The following TENT5C variants were observed in gnomAD, a reference collection of about 807,000 sequenced individuals.
The protein encoded by TENT5C is terminal nucleotidyltransferase 5C.
In TENT5C, 5 loss-of-function variants were observed where a neutral mutation model predicts 22.2. That is an observed-to-expected ratio of 0.22 (90% confidence interval 0.12 to 0.47). The LOEUF is 0.47. TENT5C is among the 20% of genes least tolerant of loss of function. The pLI is 0.99. For synonymous variants in TENT5C, 199 were observed against 195.4 expected (o/e 1.02, Z -0.15); for missense variants, 364 against 500.9 (o/e 0.73, Z 2.61).
Position 117,624,127 on chromosome 1 carries a change from C to A in TENT5C, c.*83C>A. ...AGGGGAGCCTCCTTCTAGATGTAGG[C>A]ATTTGGCTTTTAAAGGGGAACTCAG... is the stretch of plus-strand genomic sequence containing the variant. On this transcript the variant is annotated 3_prime_UTR_variant, in exon 2 of 2. Coordinates refer to ENST00000369448, the MANE Select transcript of TENT5C (RefSeq NM_017709.4). 8.5e-7 allele frequency: 1 copy of A among 1,171,084 alleles called. No homozygotes were observed. Among genetic ancestry groups the A allele is most frequent in the Non-Finnish European group, 1.2e-6 (1 of 843,542 alleles). 72.5% of individuals were successfully genotyped at this position (1,171,084 alleles called of 1,614,324 possible).
chr1:117,621,673 G>C (rs1384404741), intron 1 of TENT5C, among the ~76,000 whole-genome samples: 2 of 152,162 alleles, frequency 1.3e-5, no homozygotes, highest in Admixed American at 1.3e-4. Context: ...TGTGGGTCTA[G>C]CAAGTCAGAA....
chr1:117,619,346 C>T (rs1249042405), intron 1 of TENT5C, among the ~76,000 whole-genome samples: 2 of 152,134 alleles, frequency 1.3e-5, no homozygotes. Context: ...ATCTGCCCCT[C>T]TCTTAAGTAA....
chr1:117,615,506 C>T (rs1178049768), intron 1 of TENT5C, among the ~76,000 whole-genome samples: 1 of 152,198 alleles, frequency 6.6e-6, no homozygotes, highest in African/African-American at 2.4e-5. Context: ...GTTTTACTGC[C>T]TATTTGTGAT....
rs1173943182 is a variant in TENT5C, at chr1:117,625,103, T to A, written c.*1059T>A. ...TAGCTATTTTTTGTTTTTGTTCTTTTCGTTTTTTTTTTTTCCAAAAATAGT... is the reference window on the plus strand; with the variant it reads ...TAGCTATTTTTTGTTTTTGTTCTTTACGTTTTTTTTTTTTCCAAAAATAGT... On this transcript the variant is annotated 3_prime_UTR_variant, in exon 2 of 2. Transcript: ENST00000369448. 2 of 243,710 alleles carry A rather than the reference T, an allele frequency of 8.2e-6. No individual in the cohort carries two copies. The highest frequency in any genetic ancestry group is 2.4e-5 in the African/African-American group (1 of 41,694). 15.1% of individuals were successfully genotyped at this position (243,710 alleles called of 1,614,324 possible).
At chr1:117,615,741 A>G (rs1344887039) in intron 1 of TENT5C, among the ~76,000 whole-genome samples, 1 of 152,226 alleles carries the variant, frequency 6.6e-6, no homozygotes, top group African/African-American at 2.4e-5. Context: ...CTATGGCAAT[A>G]TATTGTCTTC....
chr1:117,616,874 A>G (rs1422805354), intron 1 of TENT5C, among the ~76,000 whole-genome samples: 2 of 152,166 alleles, frequency 1.3e-5, no homozygotes, highest in Non-Finnish European at 2.9e-5. Flanking sequence ...TTTCTAGACA[A>G]TCACTTCCAT....
At chr1:117,606,483 G>C (rs965604111) in intron 1 of TENT5C, among the ~76,000 whole-genome samples, 1 of 152,200 alleles carries the variant, frequency 6.6e-6, no homozygotes, top group African/African-American at 2.4e-5. Context: ...TGCAGGCTGC[G>C]CGCTGGCCAG....
chr1:117,617,188 A>G (rs1653800928), intron 1 of TENT5C, among the ~76,000 whole-genome samples: 1 of 151,272 alleles, frequency 6.6e-6, no homozygotes. Context: ...GCTATGAAGC[A>G]GGACTAGAAA....
rs57603364 is a variant in TENT5C at position 117,626,182 on chromosome 1, T to TC, written c.*2139dup. ...TTGCCTAACAGAAATCAGTATTTCT[T>TC]CTACTTAGAAGGCTTGGGGCCCAGG... On this transcript the variant is annotated 3_prime_UTR_variant, in exon 2 of 2. Coordinates refer to ENST00000369448, the MANE Select transcript of TENT5C (RefSeq NM_017709.4). 74,797 of 247,628 alleles carry TC rather than the reference T, an allele frequency of 0.3. 11,832 individuals are homozygous for TC. The highest frequency in any genetic ancestry group is 0.34 in the African/African-American group (15,353 of 45,332). The allele number at this position is 247,628 out of a possible 1,614,324, so 15.3% of individuals were successfully genotyped here.
At chr1:117,609,263 G>A (rs1653612649) in intron 1 of TENT5C, among the ~76,000 whole-genome samples, 1 of 152,192 alleles carries the variant, frequency 6.6e-6, no homozygotes, top group Admixed American at 6.5e-5. Flanking sequence ...ATAGTTTAGA[G>A]GAAGCATCTT....
rs999791054 is a variant in TENT5C at position 117,626,349 on chromosome 1, C to T, written c.*2305C>T. 3 of 247,606 alleles carry T rather than the reference C, an allele frequency of 1.2e-5. No homozygotes were observed. Among genetic ancestry groups the T allele is most frequent in the African/African-American group, 2.2e-5 (1 of 45,248 alleles). The allele number at this position is 247,606 out of a possible 1,614,324, so 15.3% of individuals were successfully genotyped here. Reference sequence around the variant, plus strand: ...AGAATGAAAGGAGGCACAGAAGTTGCGAGAAAGACCCAGTCCCCAGTCTTT... The same window carrying T: ...AGAATGAAAGGAGGCACAGAAGTTGTGAGAAAGACCCAGTCCCCAGTCTTT... On this transcript the variant is annotated 3_prime_UTR_variant, in exon 2 of 2. Transcript: ENST00000369448.
At chr1:117,609,052 A>T (rs1277048251) in intron 1 of TENT5C, among the ~76,000 whole-genome samples, 5 of 152,212 alleles carry the variant, frequency 3.3e-5, no homozygotes, top group Admixed American at 3.3e-4. Context: ...TGGTGTTTTG[A>T]CTATAGTACA....
At position 117,624,180 on chromosome 1, in the gene TENT5C, T is replaced by C. The variant is rs1570865334; in HGVS notation, c.*136T>C. ...CTGATTCTGCTTTTTTTTTTTTTTT[T>C]CCTTTGTGTACCCATTGGAATGGGT... On this transcript the variant is annotated 3_prime_UTR_variant, in exon 2 of 2. Transcript: ENST00000369448. 1 of 763,140 alleles carries C rather than the reference T, an allele frequency of 1.3e-6. No homozygotes were observed. Among genetic ancestry groups the C allele is most frequent in the South Asian group, 1.9e-5 (1 of 51,470 alleles). The allele number at this position is 763,140 out of a possible 1,614,324, so 47.3% of individuals were successfully genotyped here. A position where few individuals can be genotyped will look rare whatever the true frequency, so the allele number is the denominator to read the frequency against.
chr1:117,609,734 G>T (rs1348929040), intron 1 of TENT5C, among the ~76,000 whole-genome samples: 1 of 152,216 alleles, frequency 6.6e-6, no homozygotes, highest in Non-Finnish European at 1.5e-5. Flanking sequence ...AGCGGAATCT[G>T]TGCTCACTGC....
Position 117,624,093 on chromosome 1 carries a change from C to T in TENT5C, c.*49C>T. On this transcript the variant is annotated 3_prime_UTR_variant, in exon 2 of 2. Coordinates refer to ENST00000369448, the MANE Select transcript of TENT5C (RefSeq NM_017709.4). ...AGTGGGAACCCCAATAGGGCTAGGG[C>T]TCTCAGGTAGGGGAGCCTCCTTCTA... 2 of 1,497,552 alleles carry T rather than the reference C, an allele frequency of 1.3e-6. No homozygotes were observed. Among genetic ancestry groups the T allele is most frequent in the Non-Finnish European group, 1.8e-6 (2 of 1,105,502 alleles). 92.8% of individuals were successfully genotyped at this position (1,497,552 alleles called of 1,614,324 possible).
intron 1 of TENT5C, among the ~76,000 whole-genome samples, chr1:117,615,591 C>T (rs550539346): frequency 6.6e-6 from 1 of 152,362 alleles, no homozygotes; most frequent in Non-Finnish European, 1.5e-5. Context: ...CTGGCCATGG[C>T]TGTGGCTGCC....
chr1:117,617,221 A>G (rs1033191653), intron 1 of TENT5C, among the ~76,000 whole-genome samples: 29 of 150,756 alleles, frequency 1.9e-4, no homozygotes, highest in Non-Finnish European at 2.8e-4. Context: ...TTTTCTTTTC[A>G]GTGCTCAAAC....
chr1:117,613,517 C>T (rs1653714226), intron 1 of TENT5C, among the ~76,000 whole-genome samples: 2 of 152,188 alleles, frequency 1.3e-5, no homozygotes, highest in Admixed American at 1.3e-4. Flanking sequence ...TGGTGGGTGT[C>T]TATGGATGGA....
chr1:117,612,198 G>T lies in TENT5C; in HGVS notation c.-28+6045G>T, dbSNP rs114307310. On this transcript the variant is annotated intron_variant, in intron 1 of 1. Coordinates refer to ENST00000369448, the MANE Select transcript of TENT5C (RefSeq NM_017709.4). ...TCTTCCCAGTGCATCACAAGCTCCTGGAGCAGTGCTTGAAACATAGTAGGC... is the reference window on the plus strand; with the variant it reads ...TCTTCCCAGTGCATCACAAGCTCCTTGAGCAGTGCTTGAAACATAGTAGGC... Among the ~76,000 whole-genome samples the T allele has an allele frequency of 1.6e-3, 238 of 152,278 alleles. 1 individual carries two copies. Among genetic ancestry groups the T allele is most frequent in the African/African-American group, 5.6e-3 (231 of 41,540 alleles).
Sources: allele counts gnomAD v4.1 joint callset (sites outside exome capture counted in the v4.1 genomes callset), GRCh38; gene constraint gnomAD v4.1.1; transcripts MANE v1.5; gene names NCBI Gene and HGNC (gene_info 2026-07-23, HGNC 2026-07-21).